TTBK2: variants seen among roughly 807,000 people sequenced by gnomAD.
TTBK2 encodes the protein tau-tubulin kinase 2.
TTBK2 carries 28 observed loss-of-function variants against 110.8 expected under a neutral mutation model. That is an observed-to-expected ratio of 0.25 (90% confidence interval 0.19 to 0.35). TTBK2 has a LOEUF of 0.35. Among genes scored for constraint, TTBK2 ranks in the 10% least tolerant of loss-of-function variants. TTBK2 has a pLI of 1.00. For synonymous variants in TTBK2, 532 were observed against 527.3 expected (o/e 1.01, Z -0.12); for missense variants, 1,369 against 1,500.3 (o/e 0.91, Z 1.45).
chr15:42,743,253 A>T lies in TTBK2; in HGVS notation c.*2542T>A, dbSNP rs1177956724. 6.6e-6 allele frequency: 1 copy of T among 152,230 alleles called. No homozygotes were observed. Among genetic ancestry groups the T allele is most frequent in the Non-Finnish European group, 1.5e-5 (1 of 68,032 alleles). The allele number at this position is 152,230 out of a possible 1,614,324, so 9.4% of individuals were successfully genotyped here. Reference sequence around the variant, plus strand: ...TGAGTTTGTCAATGCCATTTAGAAAAGGGGACAACACACTAGAAAAGTTGA... The same window carrying T: ...TGAGTTTGTCAATGCCATTTAGAAATGGGGACAACACACTAGAAAAGTTGA... On this transcript the variant is annotated 3_prime_UTR_variant, in exon 15 of 15. Transcript: ENST00000267890.
intron 13 of TTBK2, among the ~76,000 whole-genome samples, chr15:42,764,611 G>A (rs539414088): frequency 2.6e-5 from 4 of 152,238 alleles, no homozygotes; most frequent in Non-Finnish European, 4.4e-5. Context: ...AGGGAAGCTC[G>A]AACTGGGCAG....
intron 3 of TTBK2, among the ~76,000 whole-genome samples, chr15:42,867,371 G>C (rs1894418310): frequency 6.6e-6 from 1 of 151,784 alleles, no homozygotes; most frequent in Admixed American, 6.6e-5. Context: ...AAAAATTAGA[G>C]CAGAAATCAA....
chr15:42,786,120 G>A (rs1476392581), intron 10 of TTBK2, among the ~76,000 whole-genome samples: 6 of 70,846 alleles, frequency 8.5e-5, no homozygotes, highest in African/African-American at 2.6e-4. Context: ...ATGGCTCCCC[G>A]AAAAAAAAGA....
intron 3 of TTBK2, among the ~76,000 whole-genome samples, chr15:42,864,783 A>T (rs965752379): frequency 1.3e-5 from 2 of 152,178 alleles, no homozygotes; most frequent in Non-Finnish European, 2.9e-5. Flanking sequence ...GTAGAAACCC[A>T]GATGTGAAGA....
intron 9 of TTBK2, chr15:42,802,131 C>T: frequency 7.0e-7 from 1 of 1,434,752 alleles, no homozygotes; most frequent in Non-Finnish European, 9.7e-7. Flanking sequence ...GGGTCTTGAT[C>T]TGCTTCTCCT....
chr15:42,852,072 C>CTTT (rs879407104), intron 3 of TTBK2, among the ~76,000 whole-genome samples: 1 of 141,808 alleles, frequency 7.1e-6, no homozygotes, highest in Non-Finnish European at 1.6e-5. Context: ...ATATTACCAA[C>CTTT]TTTTTTTTTT....
At chr15:42,774,233 G>A (rs1889801529) in intron 13 of TTBK2, among the ~76,000 whole-genome samples, 1 of 152,138 alleles carries the variant, frequency 6.6e-6, no homozygotes, top group Non-Finnish European at 1.5e-5. Context: ...TTGGGGGAGG[G>A]GGACTGCTAG....
At chr15:42,869,316 C>T (rs917972772) in intron 3 of TTBK2, among the ~76,000 whole-genome samples, 4 of 150,988 alleles carry the variant, frequency 2.6e-5, no homozygotes, top group African/African-American at 7.3e-5. Flanking sequence ...CTCAAATTCC[C>T]GACCTCAGGC....
At chr15:42,876,795 G>C (rs1439401965) in intron 2 of TTBK2, among the ~76,000 whole-genome samples, 5 of 152,062 alleles carry the variant, frequency 3.3e-5, no homozygotes, top group Non-Finnish European at 7.4e-5. Context: ...GCAGATTCCA[G>C]GTCTAGGAAA....
At chr15:42,911,722 A>T (rs1369799896) in intron 1 of TTBK2, among the ~76,000 whole-genome samples, 2 of 152,206 alleles carry the variant, frequency 1.3e-5, no homozygotes, top group African/African-American at 4.8e-5. Flanking sequence ...CTAATAAATA[A>T]TTATTGTTTT....
chr15:42,754,417 ATGT>A (rs749914472), intron 13 of TTBK2, among the ~76,000 whole-genome samples: 19 of 149,690 alleles, frequency 1.3e-4, no homozygotes, highest in Admixed American at 3.3e-4. Flanking sequence ...TTTTTATGAG[ATGT>A]TGTCTTGCTC....
chr15:42,754,687 G>A (rs1201403961), intron 13 of TTBK2, among the ~76,000 whole-genome samples: 10 of 136,426 alleles, frequency 7.3e-5, no homozygotes, highest in African/African-American at 2.1e-4. Context: ...GTGAGCCACC[G>A]CACCCAGCCC....
In TTBK2 at chr15:42,751,997, G is replaced by A. The variant is rs2061872226; in HGVS notation, c.3249C>T (p.Pro1083=). Residue 1083 remains proline, a synonymous_variant, in exon 14 of 15, where the codon CCC becomes CCT. Coordinates refer to ENST00000267890, the MANE Select transcript of TTBK2 (RefSeq NM_173500.4). ...ACCTGGCTTCTACTCCAGGCCTCGT[G>A]GGTGGCTTTCCTGGTGGTGGCCGAG... ...FFPRPPPGKP[P]TRPGVEARLR... 1 of 1,614,040 alleles carries A rather than the reference G, an allele frequency of 6.2e-7. No homozygotes were observed. The highest frequency in any genetic ancestry group is 1.3e-5 in the African/African-American group (1 of 74,924).
intron 5 of TTBK2, 69 bp from the exon 6 acceptor site, chr15:42,828,101 C>T (rs1248062229): frequency 8.2e-7 from 1 of 1,215,610 alleles, no homozygotes; most frequent in African/African-American, 1.5e-5. Flanking sequence ...ATCATTCTTA[C>T]ATTTTAAGTC....
At chr15:42,892,098 A>G (rs1895480013) in intron 1 of TTBK2, among the ~76,000 whole-genome samples, 1 of 152,184 alleles carries the variant, frequency 6.6e-6, no homozygotes, top group South Asian at 2.1e-4. Context: ...TCACAAAACA[A>G]ATTTTGCAAA....
At chr15:42,828,427 T>C (rs1429354826) in intron 5 of TTBK2, among the ~76,000 whole-genome samples, 2 of 150,680 alleles carry the variant, frequency 1.3e-5, no homozygotes, top group Non-Finnish European at 3.0e-5. Context: ...AAGAATTTCC[T>C]ATAAGCAGCC....
At chr15:42,916,015 AAAAGAAAAG>A (rs1271184493) in intron 1 of TTBK2, among the ~76,000 whole-genome samples, 1 of 152,174 alleles carries the variant, frequency 6.6e-6, no homozygotes, top group African/African-American at 2.4e-5. Flanking sequence ...GAAAAAAGAA[AAAAGAAAAG>A]AGAGAGAGAG....
chr15:42,794,884 T>C (rs1383972337), intron 9 of TTBK2, 83 bp from the exon 10 acceptor site: 6 of 1,561,212 alleles, frequency 3.8e-6, no homozygotes, highest in South Asian at 3.4e-5. Context: ...ACCAGACTCA[T>C]AAAATGATTT....
intron 3 of TTBK2, among the ~76,000 whole-genome samples, chr15:42,853,995 G>A (rs1893829979): frequency 6.6e-6 from 1 of 152,144 alleles, no homozygotes; most frequent in Non-Finnish European, 1.5e-5. Context: ...GAACACAGTG[G>A]CATAATTATG....
Sources: allele counts gnomAD v4.1 joint callset (sites outside exome capture counted in the v4.1 genomes callset), GRCh38; gene constraint gnomAD v4.1.1; transcripts MANE v1.5; gene names NCBI Gene and HGNC (gene_info 2026-07-23, HGNC 2026-07-21).